The following GRIA4 variants were observed in gnomAD, a reference collection of about 807,000 sequenced individuals.
The protein encoded by GRIA4 is glutamate receptor 4.
A neutral mutation model predicts 104.0 loss-of-function variants in GRIA4; 34 were observed. The observed-to-expected ratio is 0.33, with a 90% CI of 0.25 to 0.44. GRIA4 has a LOEUF of 0.44. GRIA4 is among the 20% of genes least tolerant of loss of function. The pLI, the probability that GRIA4 is intolerant of heterozygous loss-of-function variation, is 1.00. For synonymous variants in GRIA4, 386 were observed against 381.9 expected (o/e 1.01, Z -0.13); for missense variants, 750 against 1,096.5 (o/e 0.68, Z 4.46).
chr11:105,695,960 C>G (rs772855163), intron 3 of GRIA4, among the ~76,000 whole-genome samples: 1 of 152,166 alleles, frequency 6.6e-6, no homozygotes, highest in Non-Finnish European at 1.5e-5. Context: ...GGTCCTCATC[C>G]TCTCTGAAAA....
intron 4 of GRIA4, among the ~76,000 whole-genome samples, chr11:105,815,837 T>G (rs1268501701): frequency 6.6e-6 from 1 of 152,218 alleles, no homozygotes; most frequent in South Asian, 2.1e-4. Flanking sequence ...CCTTACCTTC[T>G]TATGAAATCT....
intron 3 of GRIA4, among the ~76,000 whole-genome samples, chr11:105,648,987 C>A (rs1951611700): frequency 6.6e-6 from 1 of 152,154 alleles, no homozygotes; most frequent in South Asian, 2.1e-4. Flanking sequence ...CCATCTGGGT[C>A]CATTGCTCAT....
intron 3 of GRIA4, among the ~76,000 whole-genome samples, chr11:105,656,221 G>A (rs1408518419): frequency 6.6e-6 from 1 of 151,816 alleles, no homozygotes; most frequent in Admixed American, 6.6e-5. Flanking sequence ...TGTAGATTCT[G>A]GATATTACTA....
intron 4 of GRIA4, among the ~76,000 whole-genome samples, chr11:105,827,011 C>T (rs1423407103): frequency 6.6e-6 from 1 of 151,792 alleles, no homozygotes; most frequent in African/African-American, 2.4e-5. Context: ...GATTTTTTTC[C>T]AAATTCTATT....
intron 3 of GRIA4, among the ~76,000 whole-genome samples, chr11:105,616,784 G>C (rs1591443586): frequency 6.6e-6 from 1 of 151,798 alleles, no homozygotes; most frequent in East Asian, 1.9e-4. Context: ...TGAGTGATGT[G>C]ACTCAACTGT....
chr11:105,634,537 GAA>G (rs775032440), intron 3 of GRIA4, among the ~76,000 whole-genome samples: 2 of 137,282 alleles, frequency 1.5e-5, no homozygotes, highest in Admixed American at 7.3e-5. Context: ...AGAAAAGAAA[GAA>G]AAAGAAAAAG....
At chr11:105,804,490 G>C (rs935286166) in intron 4 of GRIA4, among the ~76,000 whole-genome samples, 6 of 151,664 alleles carry the variant, frequency 4.0e-5, no homozygotes, top group Admixed American at 2.6e-4. Flanking sequence ...GCATTGTATT[G>C]AAAAAGAGAT....
intron 3 of GRIA4, among the ~76,000 whole-genome samples, chr11:105,742,828 C>T (rs968183906): frequency 3.3e-5 from 5 of 152,128 alleles, no homozygotes; most frequent in African/African-American, 7.2e-5. Context: ...CCTCCACCTC[C>T]CGGGTTCAAG....
At chr11:105,977,274 T>G (rs1859027277) in intron 16 of GRIA4, among the ~76,000 whole-genome samples, 1 of 152,036 alleles carries the variant, frequency 6.6e-6, no homozygotes, top group South Asian at 2.1e-4. Context: ...TTGGTTTTGT[T>G]TAAATTTAGT....
chr11:105,788,735 A>G (rs959690646), intron 4 of GRIA4, among the ~76,000 whole-genome samples: 1 of 152,098 alleles, frequency 6.6e-6, no homozygotes, highest in Admixed American at 6.6e-5. Flanking sequence ...GACACTGGGG[A>G]CTCCAAAAGG....
chr11:105,927,135 G>C (rs1023746404), intron 13 of GRIA4, among the ~76,000 whole-genome samples, 196 bp downstream of exon 13: 7 of 152,046 alleles, frequency 4.6e-5, no homozygotes, highest in Non-Finnish European at 8.8e-5. Context: ...TATTCATATT[G>C]CAAGAGGAAC....
At position 105,786,769 on chromosome 11, in the gene GRIA4, C is replaced by A. The variant is rs934990864; in HGVS notation, c.487+33549C>A. 3.9e-5 allele frequency among the ~76,000 whole-genome samples: 6 copies of A among 152,296 alleles called. No homozygotes were observed. The East Asian group carries it at 1.2e-3, about 29-fold the overall frequency. The stretch of plus-strand genomic sequence containing the variant: ...TCTGCAGGAGAAGCTCCGTTAGAAT[C>A]TTTAATTTACAAAACAGTGGTTTTA... On this transcript the variant is annotated intron_variant, in intron 4 of 16. Coordinates refer to ENST00000282499, the MANE Select transcript of GRIA4 (RefSeq NM_000829.4).
At chr11:105,861,562 G>A (rs1021743478) in intron 4 of GRIA4, among the ~76,000 whole-genome samples, 4 of 151,974 alleles carry the variant, frequency 2.6e-5, no homozygotes, top group African/African-American at 9.7e-5. Context: ...AAATACTGTT[G>A]TACTGTTTCT....
At chr11:105,711,745 G>C (rs1036268600) in intron 3 of GRIA4, among the ~76,000 whole-genome samples, 4 of 152,260 alleles carry the variant, frequency 2.6e-5, no homozygotes, top group Non-Finnish European at 4.4e-5. Context: ...GACATTATAA[G>C]TAATGTTGTG....
At chr11:105,653,999 C>CAAAAAAAAAAAAATAAAAAAA (rs1951758407) in intron 3 of GRIA4, among the ~76,000 whole-genome samples, 1 of 50,262 alleles carries the variant, frequency 2.0e-5, no homozygotes, top group Non-Finnish European at 3.4e-5. Context: ...ACTATTTAGC[C>CAAAAAAAAAAAAATAAAAAAA]AAAAAAAAAA....
At chr11:105,921,305 G>GT (rs1947552065) in intron 11 of GRIA4, among the ~76,000 whole-genome samples, 11 of 128,934 alleles carry the variant, frequency 8.5e-5, no homozygotes, top group Admixed American at 1.6e-4. Flanking sequence ...TACCACACTT[G>GT]GGTGTGTGTG....
intron 5 of GRIA4, among the ~76,000 whole-genome samples, chr11:105,867,413 A>C (rs981648910): frequency 3.3e-5 from 5 of 152,230 alleles, no homozygotes; most frequent in African/African-American, 1.2e-4. Context: ...GGTCAAATGC[A>C]TGGCAATACT....
At chr11:105,876,277 G>T (rs1945817361) in intron 5 of GRIA4, among the ~76,000 whole-genome samples, 1 of 152,160 alleles carries the variant, frequency 6.6e-6, no homozygotes, top group South Asian at 2.1e-4. Context: ...TGGTCTGAGA[G>T]ACTGTTTGTT....
chr11:105,962,194 T>TATG (rs1333109579), intron 14 of GRIA4, among the ~76,000 whole-genome samples: 3 of 152,112 alleles, frequency 2.0e-5, no homozygotes, highest in Non-Finnish European at 4.4e-5. Flanking sequence ...TAGAAGTAAA[T>TATG]ATGAGTGAGG....
Sources: allele counts gnomAD v4.1 joint callset (sites outside exome capture counted in the v4.1 genomes callset), GRCh38; gene constraint gnomAD v4.1.1; transcripts MANE v1.5; gene names NCBI Gene and HGNC (gene_info 2026-07-23, HGNC 2026-07-21).